COL4A5: variants seen among roughly 807,000 people sequenced by gnomAD.
The protein encoded by COL4A5 is collagen alpha-5(IV) chain.
In COL4A5, 26 loss-of-function variants were observed where a neutral mutation model predicts 130.2. The ratio of observed to expected loss-of-function variants is 0.20; its 90% CI spans 0.15 to 0.28. The LOEUF is 0.28. COL4A5 is among the 10% of genes least tolerant of loss of function. The pLI, the probability that COL4A5 is intolerant of heterozygous loss-of-function variation, is 1.00. For synonymous variants in COL4A5, 496 were observed against 439.6 expected (o/e 1.13, Z -1.60); for missense variants, 1,131 against 1,344.3 (o/e 0.84, Z 2.48).
chrX:108,695,783 C>A, intron 52 of COL4A5: 2 of 268,550 alleles, frequency 7.4e-6, no homozygotes, highest in East Asian at 1.8e-4. Flanking sequence ...CCCTCTCAGT[C>A]CAGTGGTCTC....
intron 43 of COL4A5, chrX:108,676,882 C>T (rs1436682249): frequency 8.9e-6 from 1 of 112,190 alleles, no homozygotes; most frequent in Admixed American, 9.5e-5. Context: ...CTTTAGCTTC[C>T]ACAAAGCACT....
At chrX:108,563,776 T>G in intron 3 of COL4A5, 106 bp from the exon 4 acceptor site, 1 of 648,361 alleles carries the variant, frequency 1.5e-6, no homozygotes, top group Non-Finnish European at 2.4e-6. Context: ...TTTCACTAAC[T>G]TTCACAGATG....
chrX:108,477,251 T>C (rs772570528), intron 1 of COL4A5, among the ~76,000 whole-genome samples: 13 of 111,497 alleles, frequency 1.2e-4, no homozygotes, highest in Non-Finnish European at 2.1e-4. Context: ...CCACCCCTTG[T>C]CAACTTGAAC....
intron 1 of COL4A5, among the ~76,000 whole-genome samples, chrX:108,473,272 TAGA>T (rs766794411): frequency 6.3e-5 from 7 of 110,844 alleles, no homozygotes; most frequent in Non-Finnish European, 1.3e-4. Context: ...ACTTCATAAG[TAGA>T]AGGAGTGTAT....
At position 108,586,497 on chromosome X, in the gene COL4A5, C is replaced by T; in HGVS notation, c.1033-118C>T. 2.1e-5 allele frequency: 15 copies of T among 698,778 alleles called. No individual in the cohort carries two copies. In the South Asian group the frequency reaches 3.5e-4, roughly 16 times the overall value. 57.6% of individuals were successfully genotyped at this position (698,778 alleles called of 1,213,427 possible). ...AGGATGGGAGTGATACAAAATGTGA[C>T]TCATAAACTATGTGAAAATGATGAC... On this transcript the variant is annotated intron_variant, in intron 18 of 52. Transcript: ENST00000328300.
At chrX:108,695,718 A>G (rs2068722715) in intron 52 of COL4A5, 1 of 324,742 alleles carries the variant, frequency 3.1e-6, no homozygotes, top group African/African-American at 2.6e-5. Flanking sequence ...ATAAGTCAGC[A>G]GCTGTTCAAC....
intron 17 of COL4A5, among the ~76,000 whole-genome samples, chrX:108,583,348 G>T (rs1352021497): frequency 9.0e-6 from 1 of 111,643 alleles, no homozygotes; most frequent in Non-Finnish European, 1.9e-5. Context: ...TGCAATTATT[G>T]TCTGTAAGTC....
chrX:108,473,613 G>GTATATATA (rs1230922272), intron 1 of COL4A5, among the ~76,000 whole-genome samples: 21 of 46,070 alleles, frequency 4.6e-4, no homozygotes, highest in African/African-American at 1.2e-3. Context: ...ATATATATAT[G>GTATATATA]TATATATATA....
intron 1 of COL4A5, among the ~76,000 whole-genome samples, chrX:108,537,558 A>G (rs1163436650): frequency 9.0e-6 from 1 of 111,698 alleles, no homozygotes; most frequent in African/African-American, 3.3e-5. Flanking sequence ...GGTCACATAG[A>G]AACTTGTTCA....
chrX:108,455,325 T>A (rs1019035648), intron 1 of COL4A5, among the ~76,000 whole-genome samples: 1 of 112,276 alleles, frequency 8.9e-6, no homozygotes, highest in African/African-American at 3.2e-5. Context: ...ACCACACTGT[T>A]GATGGACATT....
At chrX:108,497,149 C>G (rs1486201455) in intron 1 of COL4A5, among the ~76,000 whole-genome samples, 1 of 111,924 alleles carries the variant, frequency 8.9e-6, no homozygotes, top group African/African-American at 3.2e-5. Context: ...GTTTCTTTCA[C>G]TTAGCAGAAT....
chrX:108,594,685 T>C (rs990634345), intron 21 of COL4A5, among the ~76,000 whole-genome samples: 2 of 108,487 alleles, frequency 1.8e-5, no homozygotes, highest in Admixed American at 2.0e-4. Flanking sequence ...TACACTCTTA[T>C]GCACATGTCA....
chrX:108,558,982 C>T lies in COL4A5; in HGVS notation c.142-82C>T. 3 of 753,920 alleles carry T rather than the reference C, an allele frequency of 4.0e-6. No individual in the cohort carries two copies. The South Asian group carries it at 6.3e-5, about 16-fold the overall frequency. The allele number at this position is 753,920 out of a possible 1,213,427, so 62.1% of individuals were successfully genotyped here. The stretch of plus-strand genomic sequence containing the variant: ...ATTAAGTTAGTTTTGTCTAGATAGT[C>T]ATGTGATCTTTTTGAATCTCAACCA... On this transcript the variant is annotated intron_variant, in intron 2 of 52. Coordinates refer to ENST00000328300, the MANE Select transcript of COL4A5 (RefSeq NM_033380.3).
chrX:108,676,319 G>C (rs1312303521), intron 43 of COL4A5, among the ~76,000 whole-genome samples: 1 of 111,289 alleles, frequency 9.0e-6, no homozygotes, highest in African/African-American at 3.3e-5. Flanking sequence ...TCATTATTTA[G>C]GGTTTTGTAA....
intron 45 of COL4A5, 30 bp downstream of exon 45, chrX:108,680,781 T>A (rs1245421124): frequency 8.4e-7 from 1 of 1,193,916 alleles, no homozygotes. Context: ...TGGTTTCCCT[T>A]TATATTAAAC....
chrX:108,440,699 C>T (rs1317894957), intron 1 of COL4A5, among the ~76,000 whole-genome samples: 1 of 111,630 alleles, frequency 9.0e-6, no homozygotes, highest in African/African-American at 3.3e-5. Context: ...TTGCTCTTTC[C>T]TTAAGCAACA....
chrX:108,587,801 T>G (rs908251790), intron 19 of COL4A5, among the ~76,000 whole-genome samples: 11 of 111,248 alleles, frequency 9.9e-5, no homozygotes, highest in Non-Finnish European at 1.9e-5. Flanking sequence ...GTCTTTTTGA[T>G]GATAGCCATA....
chrX:108,653,736 T>A (rs59174084), intron 36 of COL4A5, among the ~76,000 whole-genome samples: 11,468 of 110,645 alleles, frequency 0.1, 1,300 homozygotes, highest in African/African-American at 0.34. Context: ...TTCTTGTTTT[T>A]TATTTTGGTA....
intron 36 of COL4A5, among the ~76,000 whole-genome samples, chrX:108,644,174 A>T (rs1236613873): frequency 8.9e-6 from 1 of 112,322 alleles, no homozygotes; most frequent in African/African-American, 3.2e-5. Flanking sequence ...GCCTTGTCCA[A>T]CAGGAAAATA....
Sources: allele counts gnomAD v4.1 joint callset (sites outside exome capture counted in the v4.1 genomes callset), GRCh38; gene constraint gnomAD v4.1.1; transcripts MANE v1.5; gene names NCBI Gene and HGNC (gene_info 2026-07-23, HGNC 2026-07-21).